Variants in FAM186B observed in about 807,000 individuals in gnomAD.
FAM186B encodes family with sequence similarity 186 member B.
A neutral mutation model predicts 83.4 loss-of-function variants in FAM186B; 68 were observed. The observed-to-expected ratio is 0.81, with a 90% CI of 0.67 to 1.00. The LOEUF is 1.00. Among genes scored for constraint, FAM186B ranks in the 50% least tolerant of loss-of-function variants. The pLI, the probability that FAM186B is intolerant of heterozygous loss-of-function variation, is 0.00. For missense variants in FAM186B, 983 were observed against 1,099.2 expected, an observed-to-expected ratio of 0.89 and a Z score of 1.49; for synonymous variants, 389 against 422.0, an observed-to-expected ratio of 0.92 and a Z score of 0.96.
upstream of FAM186B, among the ~76,000 whole-genome samples, chr12:49,606,487 A>ACC (rs1491260667): frequency 9.1e-5 from 3 of 33,148 alleles, no homozygotes; most frequent in African/African-American, 4.2e-4. Context: ...AGATACCCTG[A>ACC]CACACACACA....
upstream of FAM186B, among the ~76,000 whole-genome samples, chr12:49,609,449 T>G (rs1306995373): frequency 6.6e-6 from 1 of 152,136 alleles, no homozygotes; most frequent in African/African-American, 2.4e-5. Context: ...TTGCCTGCAT[T>G]TGCAGTCTGA....
rs950108491 is a variant in FAM186B at position 49,595,721 on chromosome 12, C to A, written c.2364+3034G>T. 7.6e-5 allele frequency: 22 copies of A among 288,034 alleles called. No homozygotes were observed. In the East Asian group the frequency reaches 2.1e-3, roughly 27 times the overall value. 17.8% of individuals were successfully genotyped at this position (288,034 alleles called of 1,614,324 possible). A position where few individuals can be genotyped will look rare whatever the true frequency, so the allele number is the denominator to read the frequency against. ...GCAAGTGGCTGGGCGCGGTGGTTCA[C>A]GCCTGTAATCCCAGCATTTTGGGAG... On this transcript the variant is annotated intron_variant, in intron 5 of 6. Coordinates refer to ENST00000257894, the MANE Select transcript of FAM186B (RefSeq NM_032130.3).
chr12:49,605,314 C>G (rs760269603), intron 1 of FAM186B, 68 bp downstream of exon 1: 2 of 1,562,872 alleles, frequency 1.3e-6, no homozygotes, highest in South Asian at 1.2e-5. Context: ...TCACTCAAAC[C>G]TGGGATCAGC....
At position 49,587,514 on chromosome 12, in the gene FAM186B, GGA is replaced by G; in HGVS notation, c.*89_*90del. The stretch of plus-strand genomic sequence containing the variant: ...GCAAATGAGGTCATTGTTAAAGCCT[GGA>G]GAGAGATTTATTGGGGAGAATCCAC... On this transcript the variant is annotated 3_prime_UTR_variant, in exon 7 of 7. Coordinates refer to ENST00000257894, the MANE Select transcript of FAM186B (RefSeq NM_032130.3). The G allele has an allele frequency of 6.5e-7, 1 of 1,535,562 alleles. No homozygotes were observed. The highest frequency in any genetic ancestry group is 9.0e-7 in the Non-Finnish European group (1 of 1,109,114).
At chr12:49,620,444 T>A in the FAM186B span, among the ~76,000 whole-genome samples, 1 of 151,698 alleles carries the variant, frequency 6.6e-6, no homozygotes, top group South Asian at 2.1e-4. Context: ...CCAAGGCAGG[T>A]GGATCACGAG....
At chr12:49,594,087 C>G (rs1189385254) in intron 5 of FAM186B, 3 of 221,908 alleles carry the variant, frequency 1.4e-5, no homozygotes, top group East Asian at 2.2e-4. Context: ...AAGGGGCTCA[C>G]AATGACACCC....
At position 49,587,654 on chromosome 12, in the gene FAM186B, T is replaced by G. The variant is rs759214684; in HGVS notation, c.2633A>C (p.Gln878Pro). 6.2e-7 allele frequency: 1 copy of G among 1,613,686 alleles called. No individual in the cohort carries two copies. The highest frequency in any genetic ancestry group is 2.2e-5 in the East Asian group (1 of 44,874). Residue 878 changes from glutamine (Q) to proline (P), a missense_variant, in exon 7 of 7, where the codon CAG (glutamine) becomes CCG (proline). By Grantham distance (76) the Gln-to-Pro change is moderately conservative. Transcript: ENST00000257894. ...GGGAATATCTGGGTGTCCCCTCAGC[T>G]GGTCCCGGGGAAGGCTGGCAGGGGT... ...KKTPASLPRD[Q>P]LRGHPDIPRL...
downstream of FAM186B, chr12:49,587,450 A>T (rs1939469459): frequency 9.4e-7 from 1 of 1,059,382 alleles, no homozygotes; most frequent in African/African-American, 1.6e-5. Flanking sequence ...CCGCCGAGCA[A>T]AGGAACCAGG....
downstream of FAM186B, chr12:49,584,571 C>T (rs1393082352): frequency 1.4e-6 from 1 of 702,364 alleles, no homozygotes; most frequent in South Asian, 1.5e-5. Context: ...TAAGCGGATT[C>T]ATTTGTAGGT....
chr12:49,592,945 G>C (rs1038116227), intron 5 of FAM186B, among the ~76,000 whole-genome samples: 57 of 152,062 alleles, frequency 3.7e-4, no homozygotes, highest in African/African-American at 1.3e-3. Context: ...TAGAAATGAA[G>C]AGCAAATTAT....
chr12:49,616,692 C>T, the FAM186B span, among the ~76,000 whole-genome samples: 17 of 152,146 alleles, frequency 1.1e-4, no homozygotes, highest in Admixed American at 6.5e-4. Flanking sequence ...GAAACCAGAT[C>T]AGTAGATGCC....
chr12:49,584,637 A>G (rs1259958809), downstream of FAM186B: 2 of 702,214 alleles, frequency 2.8e-6, no homozygotes, highest in Non-Finnish European at 5.2e-6. Context: ...GTAGAGTTAC[A>G]GGTGGGGGAG....
downstream of FAM186B, among the ~76,000 whole-genome samples, chr12:49,586,402 A>G (rs1013367204): frequency 6.6e-6 from 1 of 152,164 alleles, no homozygotes; most frequent in Non-Finnish European, 1.5e-5. Flanking sequence ...TCAGAAAGTT[A>G]CTGACGTCAT....
At chr12:49,619,231 G>C in the FAM186B span, 47 of 209,478 alleles carry the variant, frequency 2.2e-4, no homozygotes, top group Non-Finnish European at 4.2e-4. Flanking sequence ...AAAAAAGCGG[G>C]AGTATTATAA....
chr12:49,600,194 C>T lies in FAM186B; in HGVS notation c.1446G>A (p.Glu482=). 2 of 1,613,260 alleles carry T rather than the reference C, an allele frequency of 1.2e-6. No homozygotes were observed. Among genetic ancestry groups the T allele is most frequent in the East Asian group, 4.5e-5 (2 of 44,864 alleles). ...TSESQEEPWE[E]EFGREMRRQL... is the part of the protein sequence containing the mutation. ...GCCTCCGCATCTCCCGGCCGAATTCCTCCTCCCAGGGCTCCTCTTGGCTCT... is the reference window on the plus strand; with the variant it reads ...GCCTCCGCATCTCCCGGCCGAATTCTTCCTCCCAGGGCTCCTCTTGGCTCT... Residue 482 remains glutamate, a synonymous_variant, in exon 4 of 7, where the codon GAG becomes GAA. Transcript: ENST00000257894. This position sits in a 1 kb window ranked among gnomAD's most constrained non-coding sequence, Gnocchi z 4.3.
the FAM186B span, among the ~76,000 whole-genome samples, chr12:49,614,441 G>C: frequency 2.0e-5 from 3 of 152,220 alleles, no homozygotes; most frequent in Non-Finnish European, 4.4e-5. Context: ...CACGGATGCA[G>C]CTGGAGGCTA....
downstream of FAM186B, chr12:49,583,491 C>T (rs1173418748): frequency 5.4e-6 from 1 of 186,266 alleles, no homozygotes; most frequent in East Asian, 1.4e-4. Flanking sequence ...TGGAAACAGC[C>T]CAGGGCCAGC....
Position 49,600,418 on chromosome 12 carries a change from T to C in FAM186B, c.1222A>G (p.Lys408Glu). The C allele has an allele frequency of 6.2e-7, 1 of 1,613,942 alleles. No individual in the cohort carries two copies. The highest frequency in any genetic ancestry group is 8.5e-7 in the Non-Finnish European group (1 of 1,179,882). Reference protein sequence around the residue: ...RSRVADVFGSKDTESLEPVLL... With the variant: ...RSRVADVFGSEDTESLEPVLL... Reference sequence around the variant, plus strand: ...ACAGGCTCAAGGCTCTCAGTGTCCTTGCTGCCGAACACATCTGCGACCCTC... The same window carrying C: ...ACAGGCTCAAGGCTCTCAGTGTCCTCGCTGCCGAACACATCTGCGACCCTC... Residue 408 changes from lysine (K) to glutamate (E), a missense_variant, in exon 4 of 7, where the codon AAG (lysine) becomes GAG (glutamate). Lys to Glu is a moderately conservative substitution (Grantham distance 56). Coordinates refer to ENST00000257894, the MANE Select transcript of FAM186B (RefSeq NM_032130.3). The surrounding 1 kb of genome is among the most constrained non-coding windows in gnomAD (Gnocchi z 4.3).
In FAM186B at chr12:49,600,266, G is replaced by A; in HGVS notation, c.1374C>T (p.His458=). The change falls in exon 4 of 7, where the codon CAC becomes CAT. Residue 458 remains histidine, a synonymous_variant. Coordinates refer to ENST00000257894, the MANE Select transcript of FAM186B (RefSeq NM_032130.3). The surrounding 1 kb of genome is among the most constrained non-coding windows in gnomAD (Gnocchi z 4.3). The part of the protein sequence containing the change: ...FQKGGLQIKF[H]CSKQLSLESS... ...TCTCTAGAGACAGCTGCTTGCTACA[G>A]TGGAACTTAATTTGGAGTCCTCCCT... is the stretch of plus-strand genomic sequence containing the variant. 1 of 1,614,140 alleles carries A rather than the reference G, an allele frequency of 6.2e-7. No homozygotes were observed. Among genetic ancestry groups the A allele is most frequent in the African/African-American group, 1.3e-5 (1 of 75,034 alleles).
Sources: gnomAD v4.1 joint callset for allele counts (sites outside exome capture counted in the v4.1 genomes callset) on GRCh38, gnomAD v4.1.1 for gene constraint, Gnocchi (gnomAD v3.1) non-coding constraint, MANE v1.5 for transcripts, NCBI Gene and HGNC (gene_info 2026-07-23, HGNC 2026-07-21) for gene names.